KCNV2: variants seen among roughly 807,000 people sequenced by gnomAD.
KCNV2 encodes potassium voltage-gated channel modifier subfamily V member 2.
A neutral mutation model predicts 37.0 loss-of-function variants in KCNV2; 65 were observed. The observed-to-expected ratio is 1.76, with a 90% CI of 1.44 to 2.16. KCNV2 has a LOEUF of 2.16. Ranked by LOEUF, KCNV2 falls within the 30% of genes most tolerant of loss-of-function variation. KCNV2 has a pLI of 0.00. For synonymous variants in KCNV2, 518 were observed against 328.6 expected (o/e 1.58, Z -6.23); for missense variants, 1,232 against 766.7 (o/e 1.61, Z -7.17).
At chr9:2,723,128 G>C (rs972934845) in intron 1 of KCNV2, among the ~76,000 whole-genome samples, 10 of 152,116 alleles carry the variant, frequency 6.6e-5, no homozygotes, top group Admixed American at 1.3e-4. Context: ...TTCTCCTGCA[G>C]TAATATATTA....
intron 1 of KCNV2, among the ~76,000 whole-genome samples, chr9:2,721,863 A>G (rs772066201): frequency 8.5e-5 from 13 of 152,056 alleles, no homozygotes; most frequent in Non-Finnish European, 1.6e-4. Flanking sequence ...GAAAGATGAA[A>G]AGAGACTCAT....
At chr9:2,724,961 C>T (rs770683818) in intron 1 of KCNV2, among the ~76,000 whole-genome samples, 6 of 152,146 alleles carry the variant, frequency 3.9e-5, no homozygotes, top group African/African-American at 1.4e-4. Context: ...GAGCTATAGA[C>T]GGGGTAAAGG....
rs531334327 is a variant in KCNV2, at chr9:2,717,644, G to T, written c.-96G>T. ...TCCGGGCTGGCCTCTCTAAGACAGT[G>T]CAGGCCACGTGATCCATCCTCCTAG... On this transcript the variant is annotated 5_prime_UTR_variant, in exon 1 of 2. Transcript: ENST00000382082. 144 of 1,511,902 alleles carry T rather than the reference G, an allele frequency of 9.5e-5. No homozygotes were observed. The highest frequency in any genetic ancestry group is 1.2e-4 in the Non-Finnish European group (133 of 1,091,460). The allele number at this position is 1,511,902 out of a possible 1,614,324, so 93.7% of individuals were successfully genotyped here. A position where few individuals can be genotyped will look rare whatever the true frequency, so the allele number is the denominator to read the frequency against.
Position 2,729,738 on chromosome 9 carries a change from G to A in KCNV2, c.*11G>A, listed in dbSNP as rs767075613. 26 of 1,613,602 alleles carry A rather than the reference G, an allele frequency of 1.6e-5. No individual in the cohort carries two copies. The South Asian group carries it at 2.7e-4, about 17-fold the overall frequency. ...AGACAAGAGAATTAGTATTTTATAG[G>A]ACATGTGGCTGGTAGATTCCATGAA... is the stretch of plus-strand genomic sequence containing the variant. On this transcript the variant is annotated 3_prime_UTR_variant, in exon 2 of 2. Transcript: ENST00000382082.
chr9:2,729,297 C>T, intron 1 of KCNV2, 149 bp from the exon 2 acceptor site: 1 of 811,718 alleles, frequency 1.2e-6, no homozygotes, highest in South Asian at 1.5e-5. Flanking sequence ...GGGAGTCTTC[C>T]TGGTACCTCC....
In KCNV2 at chr9:2,717,937, G is replaced by C. The variant is rs745489619; in HGVS notation, c.198G>C (p.Gln66His). 2 of 1,614,072 alleles carry C rather than the reference G, an allele frequency of 1.2e-6. No individual in the cohort carries two copies. Among genetic ancestry groups the C allele is most frequent in the South Asian group, 1.1e-5 (1 of 91,088 alleles). Residue 66 changes from glutamine (Q) to histidine (H), a missense_variant, in exon 1 of 2, where the codon CAG becomes CAC. Physicochemically the swap from Gln to His is conservative, Grantham distance 24 (BLOSUM62 0). Transcript: ENST00000382082. ...ACGAAGACGGCGAGGAGGAGGACCA[G>C]TGGAAGGACGACCTGGCAGAAGAGG... The part of the protein sequence containing the change: ...EEDEDGEEED[Q>H]WKDDLAEEDQ...
In KCNV2 at chr9:2,718,627, A is replaced by G; in HGVS notation, c.888A>G (p.Pro296=). ...QQHSGQGEGG[P]DLRPILEHVE... ...ACTCGGGGCAGGGCGAGGGCGGCCCAGACCTGCGGCCCATCCTGGAGCACG... is the reference window on the plus strand; with the variant it reads ...ACTCGGGGCAGGGCGAGGGCGGCCCGGACCTGCGGCCCATCCTGGAGCACG... Residue 296 remains proline (P), a synonymous_variant, in exon 1 of 2, where the codon CCA becomes CCG. Coordinates refer to ENST00000382082, the MANE Select transcript of KCNV2 (RefSeq NM_133497.4). 1 of 1,613,196 alleles carries G rather than the reference A, an allele frequency of 6.2e-7. No individual in the cohort carries two copies. Among genetic ancestry groups the G allele is most frequent in the Non-Finnish European group, 8.5e-7 (1 of 1,179,826 alleles).
chr9:2,719,456 G>A (rs1044604522), intron 1 of KCNV2, among the ~76,000 whole-genome samples: 3 of 152,028 alleles, frequency 2.0e-5, no homozygotes, highest in African/African-American at 7.2e-5. Flanking sequence ...CAGCCTTTGA[G>A]ATGGTTATGA....
In KCNV2 at chr9:2,722,157, A is replaced by ATAAATAAATTAGAAGTTATTTC. The variant is rs1302437486; in HGVS notation, c.1356+3083_1356+3084insCTAAATAAATTAGAAGTTATTT. On this transcript the variant is annotated intron_variant, in intron 1 of 1. Coordinates refer to ENST00000382082, the MANE Select transcript of KCNV2 (RefSeq NM_133497.4). The stretch of plus-strand genomic sequence containing the variant: ...TTTATAAATAAATTAGAAGTTATTT[A>ATAAATAAATTAGAAGTTATTTC]TAAATAAATTAGAAGTTATTTATAA... 4.0e-4 allele frequency among the ~76,000 whole-genome samples: 56 copies of ATAAATAAATTAGAAGTTATTTC among 140,136 alleles called. 1 individual carries two copies. The highest frequency in any genetic ancestry group is 3.4e-3 in the East Asian group (17 of 5,034). 91.9% of individuals were successfully genotyped at this position (140,136 alleles called of 152,430 possible). A position where few individuals can be genotyped will look rare whatever the true frequency, so the allele number is the denominator to read the frequency against.
At chr9:2,721,130 C>T (rs1157455468) in intron 1 of KCNV2, among the ~76,000 whole-genome samples, 1 of 152,100 alleles carries the variant, frequency 6.6e-6, no homozygotes, top group Non-Finnish European at 1.5e-5. Context: ...CCTTTTGAAG[C>T]CATTATCTCT....
intron 1 of KCNV2, among the ~76,000 whole-genome samples, chr9:2,722,179 A>C (rs1413700589): frequency 5.6e-5 from 8 of 141,958 alleles, no homozygotes; most frequent in South Asian, 2.1e-4. Flanking sequence ...GAAGTTATTT[A>C]TAAATAAAAT....
chr9:2,729,402 G>T (rs747217154), intron 1 of KCNV2, 44 bp from the exon 2 acceptor site: 39 of 1,609,474 alleles, frequency 2.4e-5, no homozygotes, highest in Non-Finnish European at 3.1e-5. Flanking sequence ...TCTCCTCCCC[G>T]ATCTTAGTGC....
intron 1 of KCNV2, among the ~76,000 whole-genome samples, chr9:2,722,770 T>C (rs1034718396): frequency 4.6e-5 from 7 of 152,142 alleles, no homozygotes; most frequent in Admixed American, 2.6e-4. Flanking sequence ...AGAAGGTTCT[T>C]CTCTTTCATG....
At position 2,718,589 on chromosome 9, in the gene KCNV2, G is replaced by A. The variant is rs775016048; in HGVS notation, c.850G>A (p.Glu284Lys). Reference protein sequence around the residue: ...VVALALNTVEEMQQHSGQGEG... With the variant: ...VVALALNTVEKMQQHSGQGEG... ...GGCGCTGGCGCTCAACACCGTGGAG[G>A]AGATGCAGCAGCACTCGGGGCAGGG... Residue 284 changes from glutamate (E) to lysine (K), a missense_variant, in exon 1 of 2, where the codon GAG becomes AAG. Physicochemically the swap from Glu to Lys is moderately conservative, Grantham distance 56. Transcript: ENST00000382082. 2 of 1,612,878 alleles carry A rather than the reference G, an allele frequency of 1.2e-6. No homozygotes were observed. The highest frequency in any genetic ancestry group is 1.3e-5 in the African/African-American group (1 of 74,946).
chr9:2,718,996 C>A lies in KCNV2; in HGVS notation c.1257C>A (p.Ala419=), dbSNP rs745592530. ...QQVGCLLLFI[A]MGIFTFSAAV... ...TGGGCTGCCTGCTGCTCTTCATCGCCATGGGCATCTTCACTTTCTCTGCGG... is the reference window on the plus strand; with the variant it reads ...TGGGCTGCCTGCTGCTCTTCATCGCAATGGGCATCTTCACTTTCTCTGCGG... Residue 419 remains alanine (A), a synonymous_variant, in exon 1 of 2, where the codon GCC becomes GCA. Coordinates refer to ENST00000382082, the MANE Select transcript of KCNV2 (RefSeq NM_133497.4). 5 of 1,612,562 alleles carry A rather than the reference C, an allele frequency of 3.1e-6. No homozygotes were observed. In the South Asian group the frequency reaches 3.3e-5, roughly 11 times the overall value.
intron 1 of KCNV2, among the ~76,000 whole-genome samples, chr9:2,726,128 GGTCA>G (rs1478727867): frequency 6.6e-6 from 1 of 152,130 alleles, no homozygotes; most frequent in Admixed American, 6.5e-5. Flanking sequence ...AGGTCACTTG[GGTCA>G]GTCTGGGGCC....
rs779485812 is a variant in KCNV2 at position 2,718,488 on chromosome 9, T to C, written c.749T>C (p.Met250Thr). The C allele has an allele frequency of 3.1e-6, 5 of 1,610,586 alleles. No individual in the cohort carries two copies. The highest frequency in any genetic ancestry group is 2.7e-5 in the African/African-American group (2 of 74,906). ...CAGCGGCGCCGCCTCTGGAACCTCA[T>C]GGAGAAGCCATTCTCCTCGGTGGCC... ...GPQRRRLWNL[M>T]EKPFSSVAAK... The change falls in exon 1 of 2, where the codon ATG (methionine) becomes ACG (threonine). Residue 250 changes from methionine to threonine, a missense_variant. Coordinates refer to ENST00000382082, the MANE Select transcript of KCNV2 (RefSeq NM_133497.4).
chr9:2,718,606 G>C lies in KCNV2; in HGVS notation c.867G>C (p.Ser289=), dbSNP rs765405789. The change falls in exon 1 of 2, where the codon TCG becomes TCC. Residue 289 remains serine, a synonymous_variant. Transcript: ENST00000382082. ...LNTVEEMQQH[S]GQGEGGPDLR... is the part of the protein sequence containing the mutation. The stretch of plus-strand genomic sequence containing the variant: ...CCGTGGAGGAGATGCAGCAGCACTC[G>C]GGGCAGGGCGAGGGCGGCCCAGACC... 2.5e-6 allele frequency: 4 copies of C among 1,613,046 alleles called. No homozygotes were observed. Among genetic ancestry groups the C allele is most frequent in the South Asian group, 2.2e-5 (2 of 91,066 alleles).
chr9:2,718,241 G>A lies in KCNV2; in HGVS notation c.502G>A (p.Gly168Arg), dbSNP rs780340984. The change falls in exon 1 of 2, where the codon GGG (glycine) becomes AGG (arginine). Residue 168 changes from glycine (G) to arginine (R), a missense_variant. Gly to Arg is a moderately radical substitution (Grantham distance 125). Transcript: ENST00000382082. ...FQLVYNFYLS[G>R]VLLVLDGLCP... ...GCTGGTCTACAATTTCTACCTGTCC[G>A]GGGTGCTGCTGGTGCTCGACGGGCT... 71 of 1,613,286 alleles carry A rather than the reference G, an allele frequency of 4.4e-5. No individual in the cohort carries two copies. The East Asian group carries it at 5.8e-4, about 13-fold the overall frequency.
Sources: gnomAD v4.1 joint callset for allele counts (sites outside exome capture counted in the v4.1 genomes callset) on GRCh38, gnomAD v4.1.1 for gene constraint, MANE v1.5 for transcripts, NCBI Gene and HGNC (gene_info 2026-07-23, HGNC 2026-07-21) for gene names.